The following CXADR variants were observed in gnomAD, a reference collection of about 807,000 sequenced individuals.
CXADR encodes the protein CXADR cell adhesion molecule.
In CXADR, 20 loss-of-function variants were observed where a neutral mutation model predicts 40.3. The ratio of observed to expected loss-of-function variants is 0.50; its 90% CI spans 0.35 to 0.72. CXADR has a LOEUF of 0.72. Ranked by LOEUF, CXADR falls within the 30% of genes least tolerant of loss-of-function variation. The pLI is 0.01. For missense variants in CXADR, 332 were observed against 449.1 expected (o/e 0.74, Z 2.36); for synonymous variants, 150 against 161.3 (o/e 0.93, Z 0.53).
At chr21:17,585,824 C>A (rs942590529) in intron 7 of CXADR, among the ~76,000 whole-genome samples, 2 of 152,046 alleles carry the variant, frequency 1.3e-5, no homozygotes, top group Non-Finnish European at 2.9e-5. Context: ...GGTTTTAATT[C>A]TTTTCTTAAA....
chr21:17,530,970 A>G (rs1316604688), intron 1 of CXADR, among the ~76,000 whole-genome samples: 2 of 152,138 alleles, frequency 1.3e-5, no homozygotes, highest in Non-Finnish European at 2.9e-5. Context: ...TCCAAAGCTA[A>G]TTGTACCAGT....
intron 1 of CXADR, among the ~76,000 whole-genome samples, chr21:17,518,327 ATTT>A (rs2060486952): frequency 6.6e-6 from 1 of 152,218 alleles, no homozygotes; most frequent in African/African-American, 2.4e-5. Context: ...AATACTTCAT[ATTT>A]TGACCAAAAA....
the CXADR span, chr21:17,598,899 G>C: frequency 1.7e-5 from 20 of 1,153,684 alleles, no homozygotes; most frequent in Non-Finnish European, 2.4e-5. Flanking sequence ...AAAACAAAGA[G>C]ATCTGGACAT....
At chr21:17,543,059 C>T in intron 1 of CXADR, 2 of 349,764 alleles carry the variant, frequency 5.7e-6, no homozygotes, top group Non-Finnish European at 1.1e-5. Flanking sequence ...AAGGCTTTAA[C>T]CATTTTTTGA....
At chr21:17,518,652 C>T (rs574593967) in intron 1 of CXADR, 2 of 1,608,188 alleles carry the variant, frequency 1.2e-6, no homozygotes, top group African/African-American at 2.7e-5. Flanking sequence ...GTTCAGCTAA[C>T]TTCCTAAGGC....
the CXADR span, among the ~76,000 whole-genome samples, chr21:17,601,402 T>C: frequency 6.6e-6 from 1 of 152,136 alleles, no homozygotes; most frequent in African/African-American, 2.4e-5. Flanking sequence ...CTTACATCTA[T>C]AATTCTAGTA....
chr21:17,599,112 A>C, the CXADR span: 1 of 305,128 alleles, frequency 3.3e-6, no homozygotes, highest in Non-Finnish European at 6.0e-6. Context: ...CATCAAAAAA[A>C]GTCCATTGTT....
chr21:17,597,971 A>G (rs1202518334), downstream of CXADR, among the ~76,000 whole-genome samples: 2 of 152,204 alleles, frequency 1.3e-5, no homozygotes, highest in East Asian at 3.8e-4. Flanking sequence ...CATTTACAGA[A>G]TAAGGCTCAA....
chr21:17,605,707 C>T, the CXADR span, among the ~76,000 whole-genome samples: 1 of 152,004 alleles, frequency 6.6e-6, no homozygotes, highest in Non-Finnish European at 1.5e-5. Context: ...ACGACATCTA[C>T]CTAATGGAAT....
At chr21:17,594,454 C>T, downstream of CXADR, 2 of 1,160,848 alleles carry the variant, frequency 1.7e-6, no homozygotes, top group Non-Finnish European at 2.4e-6. Flanking sequence ...AGTGACACTC[C>T]TATTGTCAGG....
At chr21:17,635,645 G>A in the CXADR span, among the ~76,000 whole-genome samples, 1 of 152,134 alleles carries the variant, frequency 6.6e-6, no homozygotes, top group Non-Finnish European at 1.5e-5. Context: ...CTTTCTTCTA[G>A]CCTTTTATCC....
chr21:17,543,647 TAACC>T (rs959896714), intron 1 of CXADR, among the ~76,000 whole-genome samples: 9 of 152,220 alleles, frequency 5.9e-5, no homozygotes, highest in African/African-American at 2.2e-4. Context: ...GATGTGTTAA[TAACC>T]AAACTAAATT....
At chr21:17,629,247 A>AT in the CXADR span, among the ~76,000 whole-genome samples, 841 of 151,944 alleles carry the variant, frequency 5.5e-3, 7 homozygotes, top group African/African-American at 0.019. Flanking sequence ...GGGTATGGTG[A>AT]TGCAGGCCTG....
At chr21:17,528,014 A>C (rs536452611) in intron 1 of CXADR, among the ~76,000 whole-genome samples, 1 of 149,702 alleles carries the variant, frequency 6.7e-6, no homozygotes, top group East Asian at 2.0e-4. Flanking sequence ...ATACAGTGAA[A>C]GGTATTTTTT....
chr21:17,619,503 C>A, the CXADR span, among the ~76,000 whole-genome samples: 18 of 151,806 alleles, frequency 1.2e-4, no homozygotes, highest in African/African-American at 4.1e-4. Context: ...GCAGGAGAAT[C>A]GCTTGAGCCT....
the CXADR span, among the ~76,000 whole-genome samples, chr21:17,634,719 G>A: frequency 1.3e-5 from 2 of 152,164 alleles, no homozygotes; most frequent in African/African-American, 4.8e-5. Flanking sequence ...TGTGCTAAAT[G>A]TCTTCTTTTT....
intron 2 of CXADR, among the ~76,000 whole-genome samples, chr21:17,549,850 A>T (rs2123259807): frequency 6.6e-6 from 1 of 152,314 alleles, no homozygotes; most frequent in South Asian, 2.1e-4. Context: ...TAAGCCTTTT[A>T]ATCAAAGGAA....
At chr21:17,629,623 A>AT in the CXADR span, among the ~76,000 whole-genome samples, 1 of 152,050 alleles carries the variant, frequency 6.6e-6, no homozygotes, top group South Asian at 2.1e-4. Context: ...GACAAATAAA[A>AT]TTGCAACTTG....
At chr21:17,540,048 T>C (rs541134164) in intron 1 of CXADR, among the ~76,000 whole-genome samples, 4 of 152,214 alleles carry the variant, frequency 2.6e-5, no homozygotes, top group Non-Finnish European at 5.9e-5. Context: ...AAGATTAAGA[T>C]GCCAGCAAGT....
Sources: gnomAD v4.1 joint callset for allele counts (sites outside exome capture counted in the v4.1 genomes callset) on GRCh38, gnomAD v4.1.1 for gene constraint, MANE v1.5 for transcripts, NCBI Gene and HGNC (gene_info 2026-07-23, HGNC 2026-07-21) for gene names.